The following SLC6A13 variants were observed in gnomAD, a reference collection of about 807,000 sequenced individuals.
SLC6A13 encodes sodium- and chloride-dependent GABA transporter 2.
SLC6A13 carries 69 observed loss-of-function variants against 72.9 expected under a neutral mutation model. That is an observed-to-expected ratio of 0.95 (90% CI 0.78 to 1.16). SLC6A13 has a LOEUF of 1.16. Among genes scored for constraint, SLC6A13 ranks in the 50% most tolerant of loss-of-function variants. SLC6A13 has a pLI of 0.00. For missense variants in SLC6A13, 735 were observed against 760.5 expected, an observed-to-expected ratio of 0.97 and a Z score of 0.39; for synonymous variants, 303 against 303.0, an observed-to-expected ratio of 1.00 and a Z score of 0.00.
chr12:228,363 G>A (rs1941556337), intron 7 of SLC6A13, among the ~76,000 whole-genome samples: 1 of 152,082 alleles, frequency 6.6e-6, no homozygotes, highest in Non-Finnish European at 1.5e-5. Context: ...AAGGCAACAG[G>A]ACCGAGCGAC....
intron 2 of SLC6A13, among the ~76,000 whole-genome samples, chr12:246,371 T>A (rs913260165): frequency 6.6e-6 from 1 of 152,036 alleles, no homozygotes; most frequent in African/African-American, 2.4e-5. Context: ...GCAAAAATAT[T>A]ACCAGGTCTG....
At position 242,676 on chromosome 12, in the gene SLC6A13, T is replaced by C. The variant is rs1464057477; in HGVS notation, c.416A>G (p.Tyr139Cys). The C allele has an allele frequency of 2.5e-6, 4 of 1,612,666 alleles. No homozygotes were observed. The highest frequency in any genetic ancestry group is 3.4e-6 in the Non-Finnish European group (4 of 1,179,554). Reference protein sequence around the residue: ...YIIVLAWALFYLFSSFTIDLP... With the variant: ...YIIVLAWALFCLFSSFTIDLP... ...GTCGATGGTGAAGCTGCTGAAGAGG[T>C]AGAACAGGGCCCAGGCCAACACAAT... The change falls in exon 4 of 15, where the codon TAC becomes TGC. Residue 139 changes from tyrosine to cysteine, a missense_variant. Transcript: ENST00000343164.
chr12:259,705 CAG>C (rs1942864405), intron 2 of SLC6A13, 144 bp downstream of exon 2: 2 of 1,555,690 alleles, frequency 1.3e-6, no homozygotes, highest in Non-Finnish European at 1.7e-6. Flanking sequence ...TAGTCTCTTA[CAG>C]AGTGTCCTTA....
chr12:224,538 G>A lies in SLC6A13; in HGVS notation c.1061-25C>T, dbSNP rs201634214. 188 of 1,591,210 alleles carry A rather than the reference G, an allele frequency of 1.2e-4. 1 individual carries two copies. The highest frequency in any genetic ancestry group is 1.1e-3 in the African/African-American group (85 of 74,578). On this transcript the variant is annotated intron_variant, in intron 9 of 14. Transcript: ENST00000343164. ...CCTACGACAAGGAGCAGAGGAACAC[G>A]GGCCAGTGCCCGGGCCAGCTCCAGG...
chr12:225,368 G>A (rs1396266092), intron 9 of SLC6A13, among the ~76,000 whole-genome samples: 1 of 152,234 alleles, frequency 6.6e-6, no homozygotes, highest in African/African-American at 2.4e-5. Context: ...GTGAGACACG[G>A]GCCAGCCATG....
chr12:251,857 G>C (rs923299110), intron 2 of SLC6A13, among the ~76,000 whole-genome samples: 1 of 152,132 alleles, frequency 6.6e-6, no homozygotes, highest in Non-Finnish European at 1.5e-5. Flanking sequence ...GCTACTTTTG[G>C]GAGGCTGTGG....
rs557961684 is a variant in SLC6A13, at chr12:243,791, G to A, written c.225C>T (p.Leu75=). 68 of 1,614,152 alleles carry A rather than the reference G, an allele frequency of 4.2e-5. No individual in the cohort carries two copies. Among genetic ancestry groups the A allele is most frequent in the South Asian group, 1.8e-4 (16 of 91,088 alleles). ...GAATGCCACAGGTAAAGAGGAAGAC[G>A]AGGTAGGGGATGAAGAAGGCACCTG... ...NGGGAFFIPY[L]VFLFTCGIPV... is the part of the protein sequence containing the mutation. The change falls in exon 3 of 15, where the codon CTC becomes CTT. Residue 75 remains leucine (L), a synonymous_variant. Coordinates refer to ENST00000343164, the MANE Select transcript of SLC6A13 (RefSeq NM_016615.5).
chr12:237,969 C>T lies in SLC6A13; in HGVS notation c.520G>A (p.Gly174Ser). 6.2e-7 allele frequency: 1 copy of T among 1,614,078 alleles called. No individual in the cohort carries two copies. Among genetic ancestry groups the T allele is most frequent in the Non-Finnish European group, 8.5e-7 (1 of 1,179,988 alleles). The change falls in exon 5 of 15, where the codon GGT (glycine) becomes AGT (serine). Residue 174 changes from glycine (G) to serine (S), a missense_variant. Physicochemically the swap from Gly to Ser is moderately conservative, Grantham distance 56 (BLOSUM62 0). Coordinates refer to ENST00000343164, the MANE Select transcript of SLC6A13 (RefSeq NM_016615.5). ...GGAGAGGTGGCATTCTCAGAGGTAC[C>T]ATTCAGGGAGCCGTTGGTCTTCTGG... The part of the protein sequence containing the change: ...EFQKTNGSLN[G>S]TSENATSPVI...
intron 7 of SLC6A13, among the ~76,000 whole-genome samples, chr12:230,475 TAACCTCCC>T (rs1463209522): frequency 6.6e-6 from 1 of 152,148 alleles, no homozygotes; most frequent in Non-Finnish European, 1.5e-5. Flanking sequence ...GCAAGTCACT[TAACCTCCC>T]TGAACCTCCC....
chr12:238,139 T>C, intron 4 of SLC6A13, 129 bp from the exon 5 acceptor site: 1 of 1,548,520 alleles, frequency 6.5e-7, no homozygotes, highest in South Asian at 1.2e-5. Flanking sequence ...GCTAAGGTTA[T>C]CTGTACAAAA....
intron 4 of SLC6A13, among the ~76,000 whole-genome samples, chr12:238,639 G>A (rs1299726930): frequency 6.6e-6 from 1 of 152,188 alleles, no homozygotes; most frequent in Non-Finnish European, 1.5e-5. Flanking sequence ...TTTTAGGTTT[G>A]ATAAATACAA....
intron 2 of SLC6A13, among the ~76,000 whole-genome samples, chr12:258,099 G>A (rs1467005883): frequency 3.9e-5 from 6 of 152,188 alleles, no homozygotes; most frequent in African/African-American, 1.2e-4. Flanking sequence ...TGGAGCGTTC[G>A]GCACTAGGTA....
chr12:260,866 T>C (rs1942903174), intron 1 of SLC6A13, among the ~76,000 whole-genome samples: 1 of 152,206 alleles, frequency 6.6e-6, no homozygotes, highest in African/African-American at 2.4e-5. Context: ...CTATATTTTC[T>C]ACAATTACAT....
Position 243,771 on chromosome 12 carries a change from C to G in SLC6A13, c.245G>C (p.Gly82Ala). 1 of 1,614,138 alleles carries G rather than the reference C, an allele frequency of 6.2e-7. No homozygotes were observed. Among genetic ancestry groups the G allele is most frequent in the African/African-American group, 1.3e-5 (1 of 75,058 alleles). ...IPYLVFLFTCGIPVFLLETAL... is the reference protein window; with the variant it reads ...IPYLVFLFTCAIPVFLLETAL... ...TGTCTCCAGAAGGAAGACAGGAATG[C>G]CACAGGTAAAGAGGAAGACGAGGTA... The change falls in exon 3 of 15, where the codon GGC (glycine) becomes GCC (alanine). Residue 82 changes from glycine to alanine, a missense_variant. Gly to Ala is a moderately conservative substitution (Grantham distance 60). Transcript: ENST00000343164.
At chr12:233,166 C>T (rs557369005) in intron 7 of SLC6A13, among the ~76,000 whole-genome samples, 61 of 152,356 alleles carry the variant, frequency 4.0e-4, no homozygotes, top group African/African-American at 1.3e-3. Context: ...CTAGGTTGCA[C>T]ACTCACTCCC....
chr12:221,213 C>T (rs1232548890), intron 14 of SLC6A13, 143 bp from the exon 15 acceptor site: 1 of 1,320,630 alleles, frequency 7.6e-7, no homozygotes, highest in African/African-American at 1.5e-5. Flanking sequence ...CCCCCTGTGT[C>T]TTCCCGAGAC....
chr12:256,926 G>GC (rs1313895828), intron 2 of SLC6A13, among the ~76,000 whole-genome samples: 1 of 152,240 alleles, frequency 6.6e-6, no homozygotes, highest in East Asian at 1.9e-4. Flanking sequence ...AGGAGCCAAG[G>GC]CCCCAGTCTG....
intron 2 of SLC6A13, among the ~76,000 whole-genome samples, chr12:246,420 G>A (rs1942352839): frequency 6.6e-6 from 1 of 152,266 alleles, no homozygotes; most frequent in South Asian, 2.1e-4. Context: ...AAAGAATCAG[G>A]AAAATGTTAC....
intron 11 of SLC6A13, among the ~76,000 whole-genome samples, 179 bp from the exon 12 acceptor site, chr12:223,413 G>A (rs568548400): frequency 2.1e-5 from 3 of 141,232 alleles, no homozygotes; most frequent in South Asian, 4.4e-4. Flanking sequence ...GATATGAGAC[G>A]CTAATTATTT....
Sources: allele counts gnomAD v4.1 joint callset (sites outside exome capture counted in the v4.1 genomes callset), GRCh38; gene constraint gnomAD v4.1.1; transcripts MANE v1.5; gene names NCBI Gene and HGNC (gene_info 2026-07-23, HGNC 2026-07-21).